QNG1: variants seen among roughly 807,000 people sequenced by gnomAD.
QNG1 encodes the protein Q-nucleotide N-glycosylase 1, also known as queuosine 5'-phosphate N-glycosylase/hydrolase.
At chr9:83,954,309 G>A in the QNG1 span, among the ~76,000 whole-genome samples, 2 of 151,994 alleles carry the variant, frequency 1.3e-5, no homozygotes, top group African/African-American at 2.4e-5. Context: ...TTACATGGAG[G>A]GTTCCATGTT....
chr9:83,943,331 CAAAAAAAAAAA>C, the QNG1 span, among the ~76,000 whole-genome samples: 3 of 62,548 alleles, frequency 4.8e-5, no homozygotes, highest in Non-Finnish European at 1.0e-4. Context: ...CAGAGCGTCT[CAAAAAAAAAAA>C]AAAAAAAAAA....
At chr9:83,953,784 A>G in the QNG1 span, 1 of 1,548,454 alleles carries the variant, frequency 6.5e-7, no homozygotes, top group Non-Finnish European at 8.7e-7. Flanking sequence ...TTTTACAAAA[A>G]CAAAATCCGG....
At chr9:83,955,575 G>A in the QNG1 span, 3 of 1,614,144 alleles carry the variant, frequency 1.9e-6, no homozygotes, top group African/African-American at 2.7e-5. Context: ...GTGTCAGAAC[G>A]AAGTATATTC....
chr9:83,948,768 G>C, the QNG1 span, among the ~76,000 whole-genome samples: 1 of 152,180 alleles, frequency 6.6e-6, no homozygotes, highest in Admixed American at 6.5e-5. Context: ...TTCTGCCTTG[G>C]GATGCTGTTA....
At chr9:83,956,250 T>C in the QNG1 span, 4 of 1,614,098 alleles carry the variant, frequency 2.5e-6, no homozygotes, top group Non-Finnish European at 3.4e-6. Flanking sequence ...ACACTTGTGC[T>C]CGTCCTGCTC....
chr9:83,944,643 T>C, the QNG1 span: 1 of 587,116 alleles, frequency 1.7e-6, no homozygotes, highest in Non-Finnish European at 2.9e-6. Flanking sequence ...AATCATTTTC[T>C]CTACATTTTG....
chr9:83,948,281 CGCCCCGCCTGGG>C, the QNG1 span, among the ~76,000 whole-genome samples: 1,083 of 151,370 alleles, frequency 7.2e-3, 25 homozygotes, highest in East Asian at 0.032. Context: ...GCCCAGCAGC[CGCCCCGCCTGGG>C]AAGTGAGGAG....
the QNG1 span, among the ~76,000 whole-genome samples, chr9:83,948,063 GTGAGGAGCGTCTCTGCCCGGC>G: frequency 6.6e-6 from 1 of 151,602 alleles, no homozygotes; most frequent in Non-Finnish European, 1.5e-5. Flanking sequence ...CATCTAAGAA[GTGAGGAGCGTCTCTGCCCGGC>G]TGCCCATCGT....
At chr9:83,939,534 G>A in the QNG1 span, 4 of 1,612,852 alleles carry the variant, frequency 2.5e-6, no homozygotes, top group South Asian at 1.1e-5. Context: ...CAACGTATGC[G>A]ATGAAACGGA....
chr9:83,945,392 C>A, the QNG1 span, among the ~76,000 whole-genome samples: 3 of 136,062 alleles, frequency 2.2e-5, no homozygotes, highest in Admixed American at 2.2e-4. Flanking sequence ...CAGAGGGAGA[C>A]CCTGTCTCAA....
chr9:83,952,584 G>T, the QNG1 span, among the ~76,000 whole-genome samples: 1 of 151,984 alleles, frequency 6.6e-6, no homozygotes, highest in Non-Finnish European at 1.5e-5. Flanking sequence ...CACCAGGTCA[G>T]GAGATCAAGA....
At chr9:83,944,772 A>C in the QNG1 span, 1 of 1,574,244 alleles carries the variant, frequency 6.4e-7, no homozygotes, top group South Asian at 1.2e-5. Context: ...AGTATAACAA[A>C]GAATGACTTA....
At chr9:83,954,014 C>T in the QNG1 span, among the ~76,000 whole-genome samples, 2 of 152,144 alleles carry the variant, frequency 1.3e-5, no homozygotes, top group African/African-American at 4.8e-5. Flanking sequence ...CCTGCCTCAG[C>T]CTCCTAAGTA....
At chr9:83,948,802 C>T in the QNG1 span, among the ~76,000 whole-genome samples, 2 of 152,160 alleles carry the variant, frequency 1.3e-5, no homozygotes, top group Non-Finnish European at 2.9e-5. Context: ...CCCCCAACCC[C>T]GTGCTCTCTG....
At chr9:83,955,444 C>T in the QNG1 span, 13 of 1,614,140 alleles carry the variant, frequency 8.1e-6, no homozygotes, top group South Asian at 7.7e-5. Context: ...TTAACTTCTG[C>T]GCACTATTCT....
chr9:83,950,174 C>T, the QNG1 span, among the ~76,000 whole-genome samples: 8 of 151,500 alleles, frequency 5.3e-5, no homozygotes, highest in South Asian at 2.1e-4. Context: ...CTTAGCCTCC[C>T]GAGTAGCTGG....
At chr9:83,953,774 T>A in the QNG1 span, 1 of 1,545,316 alleles carries the variant, frequency 6.5e-7, no homozygotes, top group Non-Finnish European at 8.7e-7. Flanking sequence ...TCCAAAAGAA[T>A]TTTACAAAAA....
At chr9:83,938,978 G>A in the QNG1 span, 9 of 156,328 alleles carry the variant, frequency 5.8e-5, no homozygotes, top group African/African-American at 1.7e-4. Flanking sequence ...TGAACTCCTC[G>A]CCTCAAGCAA....
chr9:83,946,802 T>C, the QNG1 span, among the ~76,000 whole-genome samples: 1 of 152,218 alleles, frequency 6.6e-6, no homozygotes, highest in Non-Finnish European at 1.5e-5. Context: ...TTTCACCATG[T>C]TGGCCAGACT....
Sources: allele counts gnomAD v4.1 joint callset (sites outside exome capture counted in the v4.1 genomes callset), GRCh38; gene constraint gnomAD v4.1.1; transcripts MANE v1.5; gene names NCBI Gene and HGNC (gene_info 2026-07-23, HGNC 2026-07-21).